The following GNAI1 variants were observed in gnomAD, a reference collection of about 807,000 sequenced individuals.
The protein encoded by GNAI1 is guanine nucleotide-binding protein G(i) subunit alpha-1.
GNAI1 carries 11 observed loss-of-function variants against 38.9 expected under a neutral mutation model. The ratio of observed to expected loss-of-function variants is 0.28; its 90% CI spans 0.18 to 0.47. The LOEUF is 0.47. Ranked by LOEUF, GNAI1 falls within the 20% of genes least tolerant of loss-of-function variation. The pLI, the probability that GNAI1 is intolerant of heterozygous loss-of-function variation, is 0.99. For missense variants in GNAI1, 317 were observed against 436.9 expected (o/e 0.73, Z 2.45); for synonymous variants, 166 against 145.1 (o/e 1.14, Z -1.04).
chr7:80,188,788 G>A (rs1240199832), intron 1 of GNAI1, among the ~76,000 whole-genome samples, 163 bp from the exon 2 acceptor site: 1 of 151,986 alleles, frequency 6.6e-6, no homozygotes. Flanking sequence ...CATATTTGCT[G>A]CCTTGTATCT....
At chr7:80,214,658 T>G (rs1340459050) in intron 7 of GNAI1, among the ~76,000 whole-genome samples, 1 of 152,240 alleles carries the variant, frequency 6.6e-6, no homozygotes, top group Non-Finnish European at 1.5e-5. Flanking sequence ...AAGTATTGAT[T>G]CAGTTGCTTC....
chr7:80,188,433 T>C (rs1788424904), intron 1 of GNAI1, among the ~76,000 whole-genome samples: 1 of 152,212 alleles, frequency 6.6e-6, no homozygotes, highest in Non-Finnish European at 1.5e-5. Context: ...GCATGTTTTT[T>C]TATTTGAGTT....
rs2115746638 is a variant in GNAI1, at chr7:80,223,536, A to G, written c.*6043A>G. On this transcript the variant is annotated 3_prime_UTR_variant, in exon 8 of 8. Transcript: ENST00000649796. ...ACTTTTGAAAATCAAGAGTAAAGTTAAGTCAAAGCTACTTCTAAACAGCTC... is the reference window on the plus strand; with the variant it reads ...ACTTTTGAAAATCAAGAGTAAAGTTGAGTCAAAGCTACTTCTAAACAGCTC... Among the ~76,000 whole-genome samples the G allele has an allele frequency of 6.6e-6, 1 of 152,314 alleles. No individual in the cohort carries two copies. The highest frequency in any genetic ancestry group is 2.4e-5 in the African/African-American group (1 of 41,572).
At chr7:80,150,790 C>T (rs1371562564) in intron 1 of GNAI1, among the ~76,000 whole-genome samples, 1 of 152,134 alleles carries the variant, frequency 6.6e-6, no homozygotes, top group African/African-American at 2.4e-5. Flanking sequence ...TCTGTGATTT[C>T]ACATCCGGTT....
intron 5 of GNAI1, among the ~76,000 whole-genome samples, chr7:80,204,331 C>A (rs1220802654): frequency 1.3e-5 from 2 of 152,060 alleles, no homozygotes; most frequent in South Asian, 2.1e-4. Flanking sequence ...AAGAAGTATT[C>A]ATTTAAAGTG....
At chr7:80,158,718 T>G (rs765581729) in intron 1 of GNAI1, among the ~76,000 whole-genome samples, 2 of 152,196 alleles carry the variant, frequency 1.3e-5, no homozygotes, top group African/African-American at 2.4e-5. Context: ...ATTAACAACA[T>G]GAGAACAAAC....
chr7:80,166,943 T>C (rs1157743927), intron 1 of GNAI1, among the ~76,000 whole-genome samples: 1 of 152,184 alleles, frequency 6.6e-6, no homozygotes, highest in Non-Finnish European at 1.5e-5. Flanking sequence ...TTATTTGTCA[T>C]GATTAGAGTA....
chr7:80,199,239 A>T lies in GNAI1; in HGVS notation c.318A>T (p.Gln106His). Reference protein sequence around the residue: ...GDSARADDARQLFVLAGAAEE... With the variant: ...GDSARADDARHLFVLAGAAEE... The stretch of plus-strand genomic sequence containing the variant: ...TGAATGTTCAGGATGATGCACGCCA[A>T]CTCTTTGTGCTAGCTGGAGCTGCTG... Residue 106 changes from glutamine (Q) to histidine (H), a missense_variant, in exon 4 of 8, where the codon CAA becomes CAT. By Grantham distance (24) the Gln-to-His change is conservative. Coordinates refer to ENST00000649796, the MANE Select transcript of GNAI1 (RefSeq NM_002069.6). The T allele has an allele frequency of 6.2e-7, 1 of 1,610,924 alleles. No individual in the cohort carries two copies. Among genetic ancestry groups the T allele is most frequent in the South Asian group, 1.1e-5 (1 of 90,208 alleles).
In GNAI1 at chr7:80,171,504, A is replaced by G. The variant is rs536601690; in HGVS notation, c.119-17447A>G. Among the ~76,000 whole-genome samples the G allele has an allele frequency of 2.0e-5, 3 of 152,322 alleles. No individual in the cohort carries two copies. In the East Asian group the frequency reaches 5.8e-4, roughly 29 times the overall value. ...CAGAAACTGGCTATGGCCAGAATGT[A>G]TGAAGACAACGTCATCTTTTATTAT... On this transcript the variant is annotated intron_variant, in intron 1 of 7. Transcript: ENST00000649796.
chr7:80,137,030 CCTCCG>C (rs1787427105), intron 1 of GNAI1, among the ~76,000 whole-genome samples: 1 of 152,098 alleles, frequency 6.6e-6, no homozygotes, highest in Non-Finnish European at 1.5e-5. Context: ...GCATCTTTGG[CCTCCG>C]CTCATTGGAT....
rs1038481741 is a variant in GNAI1, at chr7:80,223,904, G to A, written c.*6411G>A. On this transcript the variant is annotated 3_prime_UTR_variant, in exon 8 of 8. Coordinates refer to ENST00000649796, the MANE Select transcript of GNAI1 (RefSeq NM_002069.6). ...AATCTTCTTCTTCGAAAGGAATCTT[G>A]TCTAAATCTAATAAAGCATTTTTCT... is the stretch of plus-strand genomic sequence containing the variant. Among the ~76,000 whole-genome samples the A allele has an allele frequency of 3.3e-5, 5 of 152,108 alleles. No individual in the cohort carries two copies. Among genetic ancestry groups the A allele is most frequent in the Non-Finnish European group, 5.9e-5 (4 of 68,020 alleles).
At chr7:80,183,200 T>A (rs1406166551) in intron 1 of GNAI1, among the ~76,000 whole-genome samples, 2 of 152,156 alleles carry the variant, frequency 1.3e-5, no homozygotes, top group African/African-American at 4.8e-5. Context: ...CTAAAGTAAA[T>A]GCTCTAAGAA....
intron 1 of GNAI1, among the ~76,000 whole-genome samples, chr7:80,169,895 T>A (rs1223487523): frequency 6.6e-6 from 1 of 152,172 alleles, no homozygotes; most frequent in Non-Finnish European, 1.5e-5. Context: ...AGATTTGACA[T>A]TTCTGGACAT....
At chr7:80,217,209 T>TGACTTCAGTTTCATATGTATGAAACA in intron 7 of GNAI1, 94 bp from the exon 8 acceptor site, 1 of 778,440 alleles carries the variant, frequency 1.3e-6, no homozygotes, top group Non-Finnish European at 2.0e-6. Context: ...TGTATGAAAC[T>TGACTTCAGTTTCATATGTATGAAACA]GACTTCAGTT....
intron 7 of GNAI1, among the ~76,000 whole-genome samples, chr7:80,215,309 C>A (rs1479619306): frequency 6.6e-6 from 1 of 152,140 alleles, no homozygotes; most frequent in Non-Finnish European, 1.5e-5. Flanking sequence ...TTGAGCTAGG[C>A]ACTCAATGTA....
At chr7:80,213,842 G>GT (rs35471308) in intron 7 of GNAI1, among the ~76,000 whole-genome samples, 21,106 of 148,060 alleles carry the variant, frequency 0.14, 1,535 homozygotes, top group Middle Eastern at 0.18. Flanking sequence ...CACTCTTCCT[G>GT]TTTTTTTTTT....
rs1285815844 is a variant in GNAI1, at chr7:80,223,763, T to G, written c.*6270T>G. On this transcript the variant is annotated 3_prime_UTR_variant, in exon 8 of 8. Transcript: ENST00000649796. ...GTGACCAATTGTCCTAGCAATCTAC[T>G]TCACAAGGCAATTTACCTGTAATAA... Among the ~76,000 whole-genome samples the G allele has an allele frequency of 6.6e-6, 1 of 152,186 alleles. No homozygotes were observed. Among genetic ancestry groups the G allele is most frequent in the Admixed American group, 6.5e-5 (1 of 15,280 alleles).
intron 1 of GNAI1, among the ~76,000 whole-genome samples, chr7:80,179,214 G>A (rs1372108575): frequency 6.6e-6 from 1 of 152,146 alleles, no homozygotes; most frequent in Non-Finnish European, 1.5e-5. Flanking sequence ...CAAGAAAAAA[G>A]GAGGTGACCT....
At chr7:80,144,359 C>G (rs1289795594) in intron 1 of GNAI1, among the ~76,000 whole-genome samples, 1 of 152,086 alleles carries the variant, frequency 6.6e-6, no homozygotes, top group East Asian at 1.9e-4. Flanking sequence ...TCTAAAACTT[C>G]CTGCACTGTT....
Sources: allele counts gnomAD v4.1 joint callset (sites outside exome capture counted in the v4.1 genomes callset), GRCh38; gene constraint gnomAD v4.1.1; transcripts MANE v1.5; gene names NCBI Gene and HGNC (gene_info 2026-07-23, HGNC 2026-07-21).